CFAP77: variants seen among roughly 807,000 people sequenced by gnomAD.
The protein encoded by CFAP77 is cilia and flagella associated protein 77.
A neutral mutation model predicts 31.1 loss-of-function variants in CFAP77; 25 were observed. The ratio of observed to expected loss-of-function variants is 0.80; its 90% CI spans 0.59 to 1.12. The LOEUF (loss-of-function observed/expected upper bound fraction) is 1.12, where lower values mean the gene tolerates loss of function less well. Among genes scored for constraint, CFAP77 ranks in the 50% most tolerant of loss-of-function variants. The probability of loss-of-function intolerance (pLI) is 0.00; values close to 1 mark genes in which losing one functional copy is unlikely to be tolerated. For missense variants in CFAP77, 377 were observed against 397.3 expected (o/e 0.95, Z 0.44); for synonymous variants, 151 against 159.9 (o/e 0.94, Z 0.42).
At chr9:132,514,047 C>CCCCCT (rs1564235650) in intron 3 of CFAP77, among the ~76,000 whole-genome samples, 9 of 72,398 alleles carry the variant, frequency 1.2e-4, no homozygotes, top group South Asian at 3.5e-4. Context: ...GTGAGGAGAT[C>CCCCCT]CCCCCGTCTT....
chr9:132,444,203 GCAT>G (rs1215887047), intron 1 of CFAP77, among the ~76,000 whole-genome samples: 1 of 152,256 alleles, frequency 6.6e-6, no homozygotes, highest in Non-Finnish European at 1.5e-5. Flanking sequence ...GAAGCCCTGG[GCAT>G]TAGCAGCAGC....
intron 4 of CFAP77, 32 bp from the exon 5 acceptor site, chr9:132,542,914 C>A: frequency 6.4e-7 from 1 of 1,556,760 alleles, no homozygotes; most frequent in African/African-American, 1.4e-5. Flanking sequence ...AGCCGGGCAA[C>A]CATCTCACCT....
chr9:132,516,590 T>TACACACACACACAC lies in CFAP77; in HGVS notation c.524+17009_524+17022dup, dbSNP rs34683089. 2.5e-3 allele frequency among the ~76,000 whole-genome samples: 367 copies of TACACACACACACAC among 145,036 alleles called. 3 individuals are homozygous for TACACACACACACAC. The highest frequency in any genetic ancestry group is 3.6e-3 in the South Asian group (16 of 4,468). On this transcript the variant is annotated intron_variant, in intron 3 of 5. Transcript: ENST00000393216. ...AACACATGATTAAACCACACAGAAA[T>TACACACACACACAC]ACACACACACACACACACACACACA... is the stretch of plus-strand genomic sequence containing the variant.
chr9:132,572,436 G>T lies in CFAP77; in HGVS notation c.781G>T (p.Ala261Ser), dbSNP rs1215982789. Residue 261 changes from alanine (A) to serine (S), a missense_variant, in exon 6 of 6, where the codon GCA (alanine) becomes TCA (serine). By Grantham distance (99) the Ala-to-Ser change is moderately conservative (BLOSUM62 1). Coordinates refer to ENST00000393216, the MANE Select transcript of CFAP77 (RefSeq NM_001282957.2). ...CCCCACGGAGGCCGATCGCCAGAGA[G>T]CATTAAAAGCCCACCGGGAAGAGTG... Reference protein sequence around the residue: ...TFPTEADRQRALKAHREECAV... With the variant: ...TFPTEADRQRSLKAHREECAV... 6.2e-7 allele frequency: 1 copy of T among 1,613,036 alleles called. No homozygotes were observed. The highest frequency in any genetic ancestry group is 1.7e-5 in the Admixed American group (1 of 60,018).
intron 1 of CFAP77, among the ~76,000 whole-genome samples, chr9:132,411,531 G>C (rs954665272): frequency 2.0e-5 from 3 of 152,158 alleles, no homozygotes; most frequent in Non-Finnish European, 2.9e-5. Context: ...GGCTGCACCT[G>C]GGGGAGGCTG....
At chr9:132,447,686 A>G (rs1156871034) in intron 1 of CFAP77, among the ~76,000 whole-genome samples, 2 of 152,372 alleles carry the variant, frequency 1.3e-5, no homozygotes, top group Non-Finnish European at 2.9e-5. Flanking sequence ...AGCTGCTGAC[A>G]GCGGCAAACG....
chr9:132,463,289 A>C (rs146538580), intron 1 of CFAP77, among the ~76,000 whole-genome samples: 155 of 152,304 alleles, frequency 1.0e-3, no homozygotes, highest in African/African-American at 3.6e-3. Context: ...TTATGTGCAC[A>C]TATATACAAA....
intron 5 of CFAP77, among the ~76,000 whole-genome samples, chr9:132,561,657 ACACACC>A (rs879721034): frequency 0.12 from 9,043 of 77,988 alleles, 499 homozygotes; most frequent in African/African-American, 0.14. Flanking sequence ...ACACACACAC[ACACACC>A]CCCTCCATGT....
Position 132,572,717 on chromosome 9 carries a change from C to T in CFAP77, c.*207C>T. On this transcript the variant is annotated 3_prime_UTR_variant, in exon 6 of 6. Transcript: ENST00000393216. ...ATTAGTCTCCACTTAGCCCCAGTGACCCTCTACCTGGAGCCTCCTCCTCTC... is the reference window on the plus strand; with the variant it reads ...ATTAGTCTCCACTTAGCCCCAGTGATCCTCTACCTGGAGCCTCCTCCTCTC... 1.8e-6 allele frequency: 1 copy of T among 564,068 alleles called. No individual in the cohort carries two copies. The highest frequency in any genetic ancestry group is 2.3e-5 in the South Asian group (1 of 42,672). 34.9% of individuals were successfully genotyped at this position (564,068 alleles called of 1,614,324 possible). A position where few individuals can be genotyped will look rare whatever the true frequency, so the allele number is the denominator to read the frequency against.
At chr9:132,549,547 C>A (rs1852791764) in intron 5 of CFAP77, among the ~76,000 whole-genome samples, 1 of 152,196 alleles carries the variant, frequency 6.6e-6, no homozygotes, top group African/African-American at 2.4e-5. Flanking sequence ...GGGATGAAAG[C>A]AGGAGCTTGG....
At chr9:132,411,248 G>C (rs1849992571) in intron 1 of CFAP77, among the ~76,000 whole-genome samples, 1 of 152,248 alleles carries the variant, frequency 6.6e-6, no homozygotes, top group Non-Finnish European at 1.5e-5. Context: ...TGCGCCGCTG[G>C]AGGGCAGTGC....
chr9:132,435,859 C>T (rs1472239058), intron 1 of CFAP77, among the ~76,000 whole-genome samples: 1 of 152,194 alleles, frequency 6.6e-6, no homozygotes, highest in Non-Finnish European at 1.5e-5. Flanking sequence ...TTGTCACCCA[C>T]TGTACACTGG....
At chr9:132,463,498 C>G (rs182005440) in intron 1 of CFAP77, among the ~76,000 whole-genome samples, 48 of 152,270 alleles carry the variant, frequency 3.2e-4, no homozygotes, top group African/African-American at 1.2e-3. Flanking sequence ...CTGGGCCACC[C>G]CCACCTGGAT....
chr9:132,525,339 A>T (rs1361828215), intron 3 of CFAP77, among the ~76,000 whole-genome samples: 3 of 152,216 alleles, frequency 2.0e-5, no homozygotes, highest in Non-Finnish European at 2.9e-5. Flanking sequence ...TAGTAATTTT[A>T]AAATATTTTT....
At chr9:132,487,165 T>C (rs1439260250) in intron 1 of CFAP77, among the ~76,000 whole-genome samples, 1 of 152,192 alleles carries the variant, frequency 6.6e-6, no homozygotes, top group Non-Finnish European at 1.5e-5. Flanking sequence ...CTGAGCAACC[T>C]CCTGGGCCAG....
chr9:132,511,173 G>A lies in CFAP77; in HGVS notation c.524+11573G>A, dbSNP rs1852030830. Among the ~76,000 whole-genome samples, 1 of 152,158 alleles carries A rather than the reference G, an allele frequency of 6.6e-6. No homozygotes were observed. Among genetic ancestry groups the A allele is most frequent in the Non-Finnish European group, 1.5e-5 (1 of 68,030 alleles). On this transcript the variant is annotated intron_variant, in intron 3 of 5. Coordinates refer to ENST00000393216, the MANE Select transcript of CFAP77 (RefSeq NM_001282957.2). The surrounding 1 kb of genome is among the most constrained non-coding windows in gnomAD (Gnocchi z 5.8). ...AGGCAGTGCATGCTGTTTCTAGTGG[G>A]CAGAGGACCCAGGAGAGAGGGCACA...
At chr9:132,415,694 A>G (rs997249952) in intron 1 of CFAP77, among the ~76,000 whole-genome samples, 1 of 152,216 alleles carries the variant, frequency 6.6e-6, no homozygotes, top group Non-Finnish European at 1.5e-5. Context: ...TCCAGGCTCA[A>G]GCGTTGCTCA....
At chr9:132,430,327 C>T (rs1850392253) in intron 1 of CFAP77, among the ~76,000 whole-genome samples, 1 of 152,114 alleles carries the variant, frequency 6.6e-6, no homozygotes, top group Non-Finnish European at 1.5e-5. Flanking sequence ...GTTCAGTCCT[C>T]TGTTTTGATC....
chr9:132,561,826 G>C (rs1473953321), intron 5 of CFAP77, among the ~76,000 whole-genome samples: 3 of 152,154 alleles, frequency 2.0e-5, no homozygotes, highest in Non-Finnish European at 2.9e-5. Context: ...GCGTCGGGTG[G>C]AGGCAGTAAG....
Sources: gnomAD v4.1 joint callset for allele counts (sites outside exome capture counted in the v4.1 genomes callset) on GRCh38, gnomAD v4.1.1 for gene constraint, Gnocchi (gnomAD v3.1) non-coding constraint, MANE v1.5 for transcripts, NCBI Gene and HGNC (gene_info 2026-07-23, HGNC 2026-07-21) for gene names.